The following ZCCHC4 variants were observed in gnomAD, a reference collection of about 807,000 sequenced individuals.
ZCCHC4 encodes zinc finger CCHC-type containing 4, also known as rRNA N(6)-adenosine-methyltransferase ZCCHC4.
Under a neutral mutation model 67.7 loss-of-function variants are expected in ZCCHC4, and 54 were observed. The observed-to-expected ratio is 0.80, with a 90% CI of 0.64 to 1.00. The LOEUF (loss-of-function observed/expected upper bound fraction) is 1.00. ZCCHC4 is among the 50% of genes least tolerant of loss of function. The pLI, the probability that ZCCHC4 is intolerant of heterozygous loss-of-function variation, is 0.00. For synonymous variants in ZCCHC4, 198 were observed against 213.5 expected, an observed-to-expected ratio of 0.93 and a Z score of 0.63; for missense variants, 609 against 617.0, an observed-to-expected ratio of 0.99 and a Z score of 0.14.
Position 25,367,582 on chromosome 4 carries a change from C to T in ZCCHC4, c.1407-1447C>T, listed in dbSNP as rs377452845. Among the ~76,000 whole-genome samples the T allele has an allele frequency of 3.9e-5, 6 of 152,122 alleles. No homozygotes were observed. The East Asian group carries it at 5.8e-4, about 15-fold the overall frequency. Reference sequence around the variant, plus strand: ...AATCATCACTTATCAAGAAATTATCCTACTTTAAAAAAGTGGGGAAATAGA... The same window carrying T: ...AATCATCACTTATCAAGAAATTATCTTACTTTAAAAAAGTGGGGAAATAGA... On this transcript the variant is annotated intron_variant, in intron 12 of 12. Transcript: ENST00000302874.
At chr4:25,338,769 G>A (rs981065403) in intron 5 of ZCCHC4, among the ~76,000 whole-genome samples, 4 of 152,040 alleles carry the variant, frequency 2.6e-5, no homozygotes, top group South Asian at 4.1e-4. Flanking sequence ...TCTACTATAC[G>A]GATATACCAA....
chr4:25,352,249 T>C (rs1171475202), intron 8 of ZCCHC4: 6 of 985,284 alleles, frequency 6.1e-6, no homozygotes, highest in Non-Finnish European at 7.2e-6. Context: ...TATGGAATTT[T>C]CCCCCTGCCT....
At chr4:25,366,508 G>C (rs1290934685) in intron 12 of ZCCHC4, among the ~76,000 whole-genome samples, 3 of 151,930 alleles carry the variant, frequency 2.0e-5, no homozygotes, top group Non-Finnish European at 4.4e-5. Flanking sequence ...AGTAGAGACG[G>C]GGTTTCGCCG....
intron 8 of ZCCHC4, 54 bp downstream of exon 8, chr4:25,351,743 A>G: frequency 7.0e-7 from 1 of 1,419,330 alleles, no homozygotes. Context: ...ATTCTACTTG[A>G]ATAGATATAA....
intron 7 of ZCCHC4, among the ~76,000 whole-genome samples, chr4:25,350,288 T>C (rs1720239275): frequency 7.9e-6 from 1 of 127,276 alleles, no homozygotes; most frequent in African/African-American, 3.2e-5. Flanking sequence ...TGAGACAGAG[T>C]CTCACTCTGT....
At chr4:25,314,250 G>A (rs1035409384) in intron 2 of ZCCHC4, 86 bp downstream of exon 2, 1 of 815,598 alleles carries the variant, frequency 1.2e-6, no homozygotes. Context: ...AAAAATATGC[G>A]GTCTGAACAT....
chr4:25,315,711 T>A (rs1718223767), intron 3 of ZCCHC4, among the ~76,000 whole-genome samples: 2 of 106,774 alleles, frequency 1.9e-5, no homozygotes, highest in South Asian at 5.6e-4. Context: ...TATTTTTGTG[T>A]GTTTTTTTTT....
chr4:25,325,860 G>T (rs1001273767), intron 3 of ZCCHC4, among the ~76,000 whole-genome samples: 3 of 152,034 alleles, frequency 2.0e-5, no homozygotes, highest in Non-Finnish European at 2.9e-5. Flanking sequence ...AAGAGTCAAG[G>T]TTCATTGCTT....
At chr4:25,349,445 T>C (rs934476351) in intron 6 of ZCCHC4, 47 bp from the exon 7 acceptor site, 12 of 1,578,452 alleles carry the variant, frequency 7.6e-6, no homozygotes, top group Non-Finnish European at 1.0e-5. Flanking sequence ...TAGGATGAAG[T>C]GCCTCTCTCT....
intron 3 of ZCCHC4, among the ~76,000 whole-genome samples, chr4:25,329,174 G>A (rs1244073361): frequency 6.6e-6 from 1 of 152,074 alleles, no homozygotes; most frequent in Non-Finnish European, 1.5e-5. Context: ...GTGACAGAAT[G>A]AGACTCTGTC....
chr4:25,358,975 C>CT (rs1415386334), intron 8 of ZCCHC4, among the ~76,000 whole-genome samples: 1 of 152,210 alleles, frequency 6.6e-6, no homozygotes, highest in Non-Finnish European at 1.5e-5. Flanking sequence ...CCTTGGTCCT[C>CT]TGTTTGGGCT....
intron 3 of ZCCHC4, among the ~76,000 whole-genome samples, chr4:25,318,544 G>A (rs778279227): frequency 3.3e-5 from 5 of 151,138 alleles, no homozygotes; most frequent in African/African-American, 4.9e-5. Flanking sequence ...TAGTAGAGAC[G>A]GGGTTTCACC....
chr4:25,353,086 C>T (rs1006817546), intron 8 of ZCCHC4, among the ~76,000 whole-genome samples: 20 of 152,146 alleles, frequency 1.3e-4, no homozygotes, highest in Non-Finnish European at 1.6e-4. Flanking sequence ...TTAAACATAG[C>T]TACACAATCT....
intron 11 of ZCCHC4, 116 bp from the exon 12 acceptor site, chr4:25,364,906 G>T: frequency 7.1e-7 from 1 of 1,408,252 alleles, no homozygotes; most frequent in East Asian, 2.4e-5. Context: ...AACTAGCTGT[G>T]CAAACTGGCC....
In ZCCHC4 at chr4:25,360,000, C is replaced by T. The variant is rs899565763; in HGVS notation, c.1012-1859C>T. Among the ~76,000 whole-genome samples the T allele has an allele frequency of 2.6e-5, 4 of 152,192 alleles. No homozygotes were observed. The highest frequency in any genetic ancestry group is 7.2e-5 in the African/African-American group (3 of 41,456). On this transcript the variant is annotated intron_variant, in intron 8 of 12. Coordinates refer to ENST00000302874, the MANE Select transcript of ZCCHC4 (RefSeq NM_024936.3). This position sits in a 1 kb window ranked among gnomAD's most constrained non-coding sequence, Gnocchi z 4.9. ...ATTTTACATGACTTGGCAGCTGTGCCGTCTATCACGGACTTGATGGACCAC... is the reference window on the plus strand; with the variant it reads ...ATTTTACATGACTTGGCAGCTGTGCTGTCTATCACGGACTTGATGGACCAC...
intron 12 of ZCCHC4, among the ~76,000 whole-genome samples, chr4:25,368,428 T>C (rs1008117832): frequency 6.6e-6 from 1 of 152,214 alleles, no homozygotes; most frequent in Non-Finnish European, 1.5e-5. Context: ...TTCAGTGTTT[T>C]CAGAGGGTGA....
intron 3 of ZCCHC4, 61 bp downstream of exon 3, chr4:25,315,461 T>A (rs908893232): frequency 7.9e-7 from 1 of 1,266,358 alleles, no homozygotes; most frequent in African/African-American, 1.5e-5. Flanking sequence ...GTTATTGCCT[T>A]TTTCTGTGCC....
intron 4 of ZCCHC4, 152 bp downstream of exon 4, chr4:25,333,610 C>T (rs1250015166): frequency 2.4e-6 from 2 of 848,846 alleles, no homozygotes; most frequent in East Asian, 2.6e-5. Context: ...AAGGAGTTTG[C>T]AACCTGTATT....
rs565501999 is a variant in ZCCHC4 at position 25,354,690 on chromosome 4, A to G, written c.1011+3001A>G. 8.6e-5 allele frequency among the ~76,000 whole-genome samples: 13 copies of G among 151,046 alleles called. No individual in the cohort carries two copies. In the South Asian group the frequency reaches 2.3e-3, roughly 27 times the overall value. On this transcript the variant is annotated intron_variant, in intron 8 of 12. Transcript: ENST00000302874. The stretch of plus-strand genomic sequence containing the variant: ...AATTTTTTTTTTAAATAGTGATGGG[A>G]TCTCTCTGTGTTGCCCAGGCTGGTC...
Sources: allele counts gnomAD v4.1 joint callset (sites outside exome capture counted in the v4.1 genomes callset), GRCh38; gene constraint gnomAD v4.1.1; non-coding constraint Gnocchi (gnomAD v3.1); transcripts MANE v1.5; gene names NCBI Gene and HGNC (gene_info 2026-07-23, HGNC 2026-07-21).